SLC25A48: variants seen among roughly 807,000 people sequenced by gnomAD.
The protein encoded by SLC25A48 is CTC-321K16.1.
Under a neutral mutation model 32.2 loss-of-function variants are expected in SLC25A48, and 29 were observed. The observed-to-expected ratio is 0.90, with a 90% CI of 0.67 to 1.23. SLC25A48 has a LOEUF of 1.23. SLC25A48 is among the 50% of genes most tolerant of loss of function. The pLI is 0.00. For synonymous variants in SLC25A48, 164 were observed against 172.3 expected (o/e 0.95, Z 0.38); for missense variants, 399 against 422.7 (o/e 0.94, Z 0.49).
chr5:135,690,377 C>G (rs1373353381), intron 3 of SLC25A48, among the ~76,000 whole-genome samples: 3 of 152,108 alleles, frequency 2.0e-5, no homozygotes. Context: ...CCAAAGAGAA[C>G]TGGGGAAGGC....
intron 3 of SLC25A48, among the ~76,000 whole-genome samples, chr5:135,768,191 G>T (rs1756298455): frequency 7.4e-6 from 1 of 134,646 alleles, no homozygotes; most frequent in Non-Finnish European, 1.6e-5. Context: ...TCGCAGTGGA[G>T]TGTACACCCC....
At chr5:135,810,071 C>T (rs1038153586) in intron 3 of SLC25A48, among the ~76,000 whole-genome samples, 5 of 152,186 alleles carry the variant, frequency 3.3e-5, no homozygotes, top group African/African-American at 7.2e-5. Context: ...CTCCTGTACT[C>T]GAGTGATCCT....
At chr5:135,704,260 A>G (rs1754459829) in intron 3 of SLC25A48, among the ~76,000 whole-genome samples, 1 of 152,334 alleles carries the variant, frequency 6.6e-6, no homozygotes, top group East Asian at 1.9e-4. Flanking sequence ...GACTAAAAAC[A>G]AGGCTGTTTT....
At chr5:135,643,622 A>G (rs115558512) in intron 3 of SLC25A48, among the ~76,000 whole-genome samples, 295 of 152,196 alleles carry the variant, frequency 1.9e-3, no homozygotes, top group African/African-American at 5.6e-3. Context: ...AACTCTCCCA[A>G]TGGAAAGTCC....
chr5:135,641,151 A>G (rs1752828730), intron 3 of SLC25A48, among the ~76,000 whole-genome samples: 1 of 152,246 alleles, frequency 6.6e-6, no homozygotes, highest in African/African-American at 2.4e-5. Context: ...GCAGGTCAAC[A>G]TACACGATTA....
chr5:135,775,290 T>C (rs1256642279), intron 3 of SLC25A48, among the ~76,000 whole-genome samples: 7 of 151,670 alleles, frequency 4.6e-5, no homozygotes, highest in Admixed American at 2.0e-4. Context: ...TGTGATATTC[T>C]TTCTAACATA....
intron 3 of SLC25A48, among the ~76,000 whole-genome samples, chr5:135,736,150 G>A (rs984172150): frequency 6.6e-6 from 1 of 152,108 alleles, no homozygotes; most frequent in African/African-American, 2.4e-5. Flanking sequence ...TGGGACTGAG[G>A]GGACAGGCAG....
chr5:135,757,963 T>C (rs1025084193), intron 3 of SLC25A48, among the ~76,000 whole-genome samples: 52 of 150,546 alleles, frequency 3.5e-4, no homozygotes, highest in African/African-American at 1.3e-3. Context: ...CTGTCTAGTT[T>C]TAACACACTA....
intron 3 of SLC25A48, among the ~76,000 whole-genome samples, chr5:135,707,582 T>G (rs1754547452): frequency 6.6e-6 from 1 of 152,196 alleles, no homozygotes; most frequent in South Asian, 2.1e-4. Context: ...TTGCACCTGC[T>G]GTTCCCTCTG....
intron 3 of SLC25A48, among the ~76,000 whole-genome samples, chr5:135,720,658 G>T (rs145084056): frequency 3.3e-5 from 5 of 152,314 alleles, no homozygotes; most frequent in South Asian, 2.1e-4. Context: ...CTGCAAAATC[G>T]TGGTGGATCC....
At chr5:135,626,338 A>T (rs1036606359) in intron 1 of SLC25A48, among the ~76,000 whole-genome samples, 5 of 152,206 alleles carry the variant, frequency 3.3e-5, no homozygotes, top group Non-Finnish European at 7.3e-5. Flanking sequence ...ATAAACATCC[A>T]TGGGTGCGTG....
chr5:135,580,559 C>T (rs1352810784), intron 1 of SLC25A48, among the ~76,000 whole-genome samples: 3 of 152,162 alleles, frequency 2.0e-5, no homozygotes, highest in Non-Finnish European at 4.4e-5. Context: ...AAGCAAGCAG[C>T]GCCTATGCGT....
chr5:135,664,238 C>G (rs1446939823), intron 3 of SLC25A48, among the ~76,000 whole-genome samples: 1 of 152,232 alleles, frequency 6.6e-6, no homozygotes, highest in African/African-American at 2.4e-5. Flanking sequence ...TGGCGACAGA[C>G]TCATCATTCT....
At chr5:135,656,697 C>T (rs1247954504) in intron 3 of SLC25A48, among the ~76,000 whole-genome samples, 1 of 152,112 alleles carries the variant, frequency 6.6e-6, no homozygotes, top group East Asian at 1.9e-4. Flanking sequence ...GCCCTCAATT[C>T]TGGTTTCCTT....
chr5:135,874,546 A>G lies in SLC25A48; in HGVS notation c.813+392A>G, dbSNP rs1311351432. 1.2e-5 allele frequency: 7 copies of G among 571,908 alleles called. No homozygotes were observed. The East Asian group carries it at 1.9e-4, about 15-fold the overall frequency. 35.4% of individuals were successfully genotyped at this position (571,908 alleles called of 1,614,324 possible). A position where few individuals can be genotyped will look rare whatever the true frequency, so the allele number is the denominator to read the frequency against. On this transcript the variant is annotated intron_variant, in intron 6 of 7. Transcript: ENST00000681962. ...TCCTCCTCCCAGTGGGAAGTGCCAG[A>G]GCTGCCTTGCCTCCTTCCTGTCCTC...
intron 2 of SLC25A48, among the ~76,000 whole-genome samples, chr5:135,632,855 A>G (rs1752608948): frequency 6.6e-6 from 1 of 152,120 alleles, no homozygotes; most frequent in South Asian, 2.1e-4. Flanking sequence ...GCCAGTGTTG[A>G]GGTATTGATA....
At chr5:135,861,483 G>A (rs2126771966) in intron 4 of SLC25A48, among the ~76,000 whole-genome samples, 1 of 152,234 alleles carries the variant, frequency 6.6e-6, no homozygotes, top group South Asian at 2.1e-4. Context: ...CTGCAAAGCA[G>A]GCATAACTAT....
chr5:135,767,009 A>G (rs1756251296), intron 3 of SLC25A48, among the ~76,000 whole-genome samples: 2 of 151,632 alleles, frequency 1.3e-5, no homozygotes, highest in South Asian at 4.2e-4. Flanking sequence ...AAAGAGGGTG[A>G]TATTACTTCC....
intron 3 of SLC25A48, among the ~76,000 whole-genome samples, chr5:135,677,721 T>A (rs778564130): frequency 8.5e-5 from 13 of 152,204 alleles, no homozygotes; most frequent in Admixed American, 3.3e-4. Flanking sequence ...GGTGGTGAAT[T>A]CCCTCAGCAT....
Sources: gnomAD v4.1 joint callset for allele counts (sites outside exome capture counted in the v4.1 genomes callset) on GRCh38, gnomAD v4.1.1 for gene constraint, MANE v1.5 for transcripts, NCBI Gene and HGNC (gene_info 2026-07-23, HGNC 2026-07-21) for gene names.